PVT1: variants seen among roughly 807,000 people sequenced by gnomAD.
The protein encoded by PVT1 is CXCR4/PVT1 fusion.
intron 3 of PVT1, among the ~76,000 whole-genome samples, chr8:127,981,421 C>T (rs1816881987): frequency 6.6e-6 from 1 of 152,194 alleles, no homozygotes; most frequent in Non-Finnish European, 1.5e-5. Context: ...GCTGCACAGC[C>T]TGGCATGTGG....
intron 3 of PVT1, among the ~76,000 whole-genome samples, chr8:127,935,995 A>G (rs1816267962): frequency 7.3e-6 from 1 of 136,188 alleles, no homozygotes; most frequent in African/African-American, 2.7e-5. Flanking sequence ...AATGGTCTTG[A>G]GGTAAGAGTT....
intron 2 of PVT1, among the ~76,000 whole-genome samples, chr8:127,841,903 T>C (rs1306911401): frequency 6.6e-6 from 1 of 151,990 alleles, no homozygotes; most frequent in African/African-American, 2.4e-5. Flanking sequence ...TTTCTGTCTT[T>C]TTAGTAGAGA....
intron 2 of PVT1, among the ~76,000 whole-genome samples, chr8:127,809,112 G>C (rs1486405233): frequency 6.6e-6 from 1 of 150,528 alleles, no homozygotes; most frequent in East Asian, 2.0e-4. Flanking sequence ...TGAGGGAAGA[G>C]TTAGCTAGCT....
chr8:127,970,285 A>ATTT (rs1321419703), intron 3 of PVT1, among the ~76,000 whole-genome samples: 4 of 26,834 alleles, frequency 1.5e-4, no homozygotes, highest in African/African-American at 3.5e-4. Context: ...ATCTGCCATG[A>ATTT]TTTGTTTTTT....
At chr8:128,057,132 T>C (rs1387390220) in intron 4 of PVT1, among the ~76,000 whole-genome samples, 1 of 152,202 alleles carries the variant, frequency 6.6e-6, no homozygotes, top group African/African-American at 2.4e-5. Flanking sequence ...AGTGAGCTGA[T>C]TTACCCCAGG....
chr8:127,964,054 A>C (rs981726877), intron 3 of PVT1, among the ~76,000 whole-genome samples: 2 of 152,238 alleles, frequency 1.3e-5, no homozygotes, highest in African/African-American at 4.8e-5. Flanking sequence ...GGGACTGCGA[A>C]GGCTTATTGC....
intron 4 of PVT1, among the ~76,000 whole-genome samples, chr8:128,051,181 G>C (rs1283557310): frequency 6.6e-6 from 1 of 152,186 alleles, no homozygotes; most frequent in Non-Finnish European, 1.5e-5. Flanking sequence ...GAGTTGTAAG[G>C]ATGCATAAAA....
intron 2 of PVT1, among the ~76,000 whole-genome samples, chr8:127,817,617 C>G (rs1434836228): frequency 6.9e-6 from 1 of 145,156 alleles, no homozygotes; most frequent in Non-Finnish European, 1.5e-5. Context: ...TATGGTGGCT[C>G]ATGCCTGTAA....
At chr8:128,035,877 A>G (rs992645683) in intron 4 of PVT1, among the ~76,000 whole-genome samples, 3 of 152,100 alleles carry the variant, frequency 2.0e-5, no homozygotes, top group African/African-American at 7.2e-5. Context: ...CAAGAAACTG[A>G]TTTTCCTTTG....
intron 2 of PVT1, among the ~76,000 whole-genome samples, chr8:127,873,450 C>T (rs1336069505): frequency 2.6e-5 from 4 of 152,156 alleles, no homozygotes; most frequent in Non-Finnish European, 5.9e-5. Flanking sequence ...GAAAAATCAT[C>T]ATGGCTAGCT....
chr8:127,955,864 G>A (rs1042860699), intron 3 of PVT1, among the ~76,000 whole-genome samples: 2 of 152,128 alleles, frequency 1.3e-5, no homozygotes, highest in Non-Finnish European at 2.9e-5. Context: ...GGTTACAGGC[G>A]TGAACCACCA....
At chr8:127,955,604 C>T (rs1464424949) in intron 3 of PVT1, among the ~76,000 whole-genome samples, 3 of 146,200 alleles carry the variant, frequency 2.1e-5, no homozygotes, top group Non-Finnish European at 3.0e-5. Context: ...CCCTCCCCTT[C>T]CCGAGACAGT....
chr8:127,809,864 C>T (rs1243812339), intron 2 of PVT1, among the ~76,000 whole-genome samples: 1 of 152,200 alleles, frequency 6.6e-6, no homozygotes, highest in Middle Eastern at 3.2e-3. Flanking sequence ...CCAATCTTCG[C>T]ACTTAGAGAT....
At chr8:128,090,462 T>TG (rs1157649469) in intron 5 of PVT1, among the ~76,000 whole-genome samples, 2 of 152,140 alleles carry the variant, frequency 1.3e-5, no homozygotes, top group Non-Finnish European at 2.9e-5. Flanking sequence ...CTGACTTTGA[T>TG]GGGGGGCTAA....
chr8:127,961,020 G>C (rs1016007862), intron 3 of PVT1, among the ~76,000 whole-genome samples: 1 of 151,982 alleles, frequency 6.6e-6, no homozygotes, highest in African/African-American at 2.4e-5. Flanking sequence ...TGCCTGCCTG[G>C]GGACACAGGG....
At chr8:128,045,161 C>T (rs946663759) in intron 4 of PVT1, among the ~76,000 whole-genome samples, 6 of 152,148 alleles carry the variant, frequency 3.9e-5, no homozygotes, top group African/African-American at 1.2e-4. Context: ...TTGGACACAC[C>T]CTGAGCTCCT....
chr8:128,081,547 G>A (rs74511067), intron 5 of PVT1, among the ~76,000 whole-genome samples: 1 of 152,128 alleles, frequency 6.6e-6, no homozygotes, highest in African/African-American at 2.4e-5. Flanking sequence ...TAAACCTTTG[G>A]GTTGGGGGTT....
chr8:127,829,248 GC>G (rs1370173290), intron 2 of PVT1, among the ~76,000 whole-genome samples: 1 of 152,164 alleles, frequency 6.6e-6, no homozygotes, highest in Non-Finnish European at 1.5e-5. Context: ...TTGCACTCCA[GC>G]CTGGGCAATA....
At chr8:127,951,517 G>T (rs1483004610) in intron 3 of PVT1, among the ~76,000 whole-genome samples, 2 of 152,138 alleles carry the variant, frequency 1.3e-5, no homozygotes, top group Non-Finnish European at 2.9e-5. Context: ...TCACAGAAAG[G>T]TCTTGAGATT....
Sources: gnomAD v4.1 joint callset for allele counts (sites outside exome capture counted in the v4.1 genomes callset) on GRCh38, gnomAD v4.1.1 for gene constraint, MANE v1.5 for transcripts, NCBI Gene and HGNC (gene_info 2026-07-23, HGNC 2026-07-21) for gene names.